Variants in SRPK2 observed in about 807,000 individuals in gnomAD.
The protein encoded by SRPK2 is SFRS protein kinase 2.
SRPK2 carries 21 observed loss-of-function variants against 90.8 expected under a neutral mutation model. The ratio of observed to expected loss-of-function variants is 0.23; its 90% CI spans 0.16 to 0.33. SRPK2 has a LOEUF of 0.33. SRPK2 is among the 10% of genes least tolerant of loss of function. The probability of loss-of-function intolerance (pLI) is 1.00; values close to 1 mark genes in which losing one functional copy is unlikely to be tolerated. For missense variants in SRPK2, 620 were observed against 869.0 expected (o/e 0.71, Z 3.60); for synonymous variants, 288 against 311.1 (o/e 0.93, Z 0.78).
At chr7:105,347,543 G>C (rs903768055) in intron 2 of SRPK2, among the ~76,000 whole-genome samples, 2 of 152,024 alleles carry the variant, frequency 1.3e-5, no homozygotes, top group African/African-American at 4.8e-5. Flanking sequence ...CGAAGAATGA[G>C]GGGGAGGGGG....
intron 2 of SRPK2, among the ~76,000 whole-genome samples, chr7:105,209,948 A>G (rs1180091664): frequency 6.6e-6 from 1 of 152,194 alleles, no homozygotes; most frequent in African/African-American, 2.4e-5. Flanking sequence ...ATATCATACT[A>G]TAATACTAAA....
At chr7:105,224,168 A>C (rs1473527943) in intron 2 of SRPK2, among the ~76,000 whole-genome samples, 1 of 152,186 alleles carries the variant, frequency 6.6e-6, no homozygotes, top group Non-Finnish European at 1.5e-5. Flanking sequence ...CTATATTTTT[A>C]AATATTTATA....
intron 2 of SRPK2, chr7:105,204,615 GA>G: frequency 1.6e-6 from 1 of 642,072 alleles, no homozygotes. Flanking sequence ...GGCTGCTGTG[GA>G]AAGGTTGCTC....
chr7:105,356,577 GA>G (rs1004864523), intron 2 of SRPK2, among the ~76,000 whole-genome samples: 1 of 152,052 alleles, frequency 6.6e-6, no homozygotes, highest in African/African-American at 2.4e-5. Flanking sequence ...CTAATATAGT[GA>G]GTAATTTAGA....
At chr7:105,332,472 T>A (rs561604134) in intron 2 of SRPK2, among the ~76,000 whole-genome samples, 1 of 152,152 alleles carries the variant, frequency 6.6e-6, no homozygotes, top group African/African-American at 2.4e-5. Flanking sequence ...AAATAAGTGC[T>A]CACTTTGTAG....
intron 2 of SRPK2, among the ~76,000 whole-genome samples, chr7:105,230,918 G>T (rs1799348892): frequency 6.6e-6 from 1 of 152,120 alleles, no homozygotes; most frequent in Non-Finnish European, 1.5e-5. Context: ...CAATATTCTT[G>T]AATTTATTAC....
intron 2 of SRPK2, among the ~76,000 whole-genome samples, chr7:105,287,660 C>T (rs1017638734): frequency 2.6e-5 from 4 of 152,050 alleles, no homozygotes; most frequent in Non-Finnish European, 5.9e-5. Flanking sequence ...CGCTTGAACC[C>T]AGGAGGTGGA....
intron 2 of SRPK2, among the ~76,000 whole-genome samples, chr7:105,216,365 G>T (rs1372752295): frequency 6.6e-6 from 1 of 152,090 alleles, no homozygotes; most frequent in Non-Finnish European, 1.5e-5. Flanking sequence ...TCCAGGAAAA[G>T]GAACTCAGTG....
chr7:105,256,068 G>T (rs1803253574), intron 2 of SRPK2, among the ~76,000 whole-genome samples: 1 of 152,124 alleles, frequency 6.6e-6, no homozygotes, highest in South Asian at 2.1e-4. Context: ...GCAGTGTTTG[G>T]CATGCCTCAA....
chr7:105,251,266 T>C (rs1409467090), intron 2 of SRPK2, among the ~76,000 whole-genome samples: 1 of 152,196 alleles, frequency 6.6e-6, no homozygotes, highest in East Asian at 1.9e-4. Flanking sequence ...GTGTTTCTTA[T>C]ATCACAGGCA....
At chr7:105,354,761 A>T (rs1336238998) in intron 2 of SRPK2, among the ~76,000 whole-genome samples, 3 of 152,174 alleles carry the variant, frequency 2.0e-5, no homozygotes, top group Non-Finnish European at 4.4e-5. Context: ...TCACATGTAC[A>T]ATTCACCCAA....
chr7:105,368,648 G>T (rs1411614730), intron 2 of SRPK2, among the ~76,000 whole-genome samples: 2 of 152,136 alleles, frequency 1.3e-5, no homozygotes, highest in Non-Finnish European at 2.9e-5. Context: ...ACTTAAGGAG[G>T]CCAGGGTTGG....
rs199543344 is a variant in SRPK2 at position 105,395,738 on chromosome 7, C to CA, written n.153+3417dup. Among the ~76,000 whole-genome samples, 190 of 149,690 alleles carry CA rather than the reference C, an allele frequency of 1.3e-3. 1 individual carries two copies. Among genetic ancestry groups the CA allele is most frequent in the African/African-American group, 4.4e-3 (181 of 40,884 alleles). On this transcript the variant is annotated intron_variant and non_coding_transcript_variant, in intron 1 of 3. Transcript: ENST00000462282. Reference sequence around the variant, plus strand: ...CAGAGCAAGACTCTGTCTCCCAAAACAAAAAAAAAGAACTTAAAGCTATCT... The same window carrying CA: ...CAGAGCAAGACTCTGTCTCCCAAAACAAAAAAAAAAGAACTTAAAGCTATCT...
At chr7:105,201,341 G>A (rs1216460491) in intron 3 of SRPK2, among the ~76,000 whole-genome samples, 3 of 152,140 alleles carry the variant, frequency 2.0e-5, no homozygotes, top group Non-Finnish European at 4.4e-5. Context: ...TATCTCTAAT[G>A]ACCTTACTGA....
At chr7:105,252,292 G>A (rs1340643395) in intron 2 of SRPK2, among the ~76,000 whole-genome samples, 1 of 151,988 alleles carries the variant, frequency 6.6e-6, no homozygotes, top group Non-Finnish European at 1.5e-5. Context: ...AGGATAGAAA[G>A]GGCAAAAGAA....
intron 2 of SRPK2, chr7:105,297,613 G>T: frequency 2.3e-6 from 1 of 433,068 alleles, no homozygotes; most frequent in Non-Finnish European, 3.1e-6. Context: ...GGTCTTCCGA[G>T]ATTATCACAA....
At chr7:105,312,227 G>C (rs1311848852) in intron 2 of SRPK2, among the ~76,000 whole-genome samples, 1 of 152,088 alleles carries the variant, frequency 6.6e-6, no homozygotes, top group Non-Finnish European at 1.5e-5. Flanking sequence ...GGATCACAAG[G>C]TCAGGAGTTC....
intron 2 of SRPK2, among the ~76,000 whole-genome samples, chr7:105,325,205 A>T (rs1295232045): frequency 6.6e-6 from 1 of 152,182 alleles, no homozygotes; most frequent in Non-Finnish European, 1.5e-5. Flanking sequence ...CCTCACCACT[A>T]AAGAGCACCT....
intron 2 of SRPK2, among the ~76,000 whole-genome samples, chr7:105,292,242 C>G (rs1214669036): frequency 6.6e-6 from 1 of 152,096 alleles, no homozygotes; most frequent in African/African-American, 2.4e-5. Flanking sequence ...TGTGGTGGCT[C>G]ACACCTGTAA....
Sources: allele counts gnomAD v4.1 joint callset (sites outside exome capture counted in the v4.1 genomes callset), GRCh38; gene constraint gnomAD v4.1.1; transcripts MANE v1.5; gene names NCBI Gene and HGNC (gene_info 2026-07-23, HGNC 2026-07-21).